Variants in TANGO6 observed in about 807,000 individuals in gnomAD.
TANGO6 encodes the protein transport and Golgi organization protein 6 homolog.
In TANGO6, 90 loss-of-function variants were observed where a neutral mutation model predicts 114.2. The observed-to-expected ratio is 0.79, with a 90% CI of 0.66 to 0.94. The LOEUF is 0.94. Among genes scored for constraint, TANGO6 ranks in the 40% least tolerant of loss-of-function variants. TANGO6 has a pLI of 0.00. For missense variants in TANGO6, 1,274 were observed against 1,315.3 expected, an observed-to-expected ratio of 0.97 and a Z score of 0.49; for synonymous variants, 477 against 509.8, an observed-to-expected ratio of 0.94 and a Z score of 0.87.
chr16:68,954,643 A>G (rs1273096721), intron 14 of TANGO6, among the ~76,000 whole-genome samples: 1 of 152,234 alleles, frequency 6.6e-6, no homozygotes, highest in Non-Finnish European at 1.5e-5. Flanking sequence ...TGGAGAATTC[A>G]GTCTCTCCTT....
intron 15 of TANGO6, among the ~76,000 whole-genome samples, chr16:68,985,029 TTTG>T (rs1181526628): frequency 6.6e-6 from 1 of 151,922 alleles, no homozygotes; most frequent in African/African-American, 2.4e-5. Context: ...TAAATATTTC[TTTG>T]TTGTTGTTAG....
At chr16:68,865,015 C>G (rs1366822405) in intron 3 of TANGO6, among the ~76,000 whole-genome samples, 1 of 151,282 alleles carries the variant, frequency 6.6e-6, no homozygotes, top group Non-Finnish European at 1.5e-5. Context: ...TGGTGGCTCA[C>G]CCCTGTAATC....
chr16:68,953,492 A>G (rs1963494733), intron 14 of TANGO6, among the ~76,000 whole-genome samples: 1 of 152,194 alleles, frequency 6.6e-6, no homozygotes, highest in Non-Finnish European at 1.5e-5. Flanking sequence ...GAGAAGAGCA[A>G]ATGATACAAA....
At position 68,980,383 on chromosome 16, in the gene TANGO6, T is replaced by TCTCTCTCTCTCTCTCTCTCTCTCTCTC. The variant is rs1555526453; in HGVS notation, c.2842+6215_2842+6216insCTCTCTCTCTCTCTCTCTCTCTCTCTC. 2.7e-4 allele frequency among the ~76,000 whole-genome samples: 10 copies of TCTCTCTCTCTCTCTCTCTCTCTCTCTC among 36,862 alleles called. 2 individuals carry two copies. The highest frequency in any genetic ancestry group is 8.5e-4 in the African/African-American group (8 of 9,418). The allele number at this position is 36,862 out of a possible 152,430, so 24.2% of individuals were successfully genotyped here. A position where few individuals can be genotyped will look rare whatever the true frequency, so the allele number is the denominator to read the frequency against. On this transcript the variant is annotated intron_variant, in intron 15 of 17. Transcript: ENST00000261778. ...TGAGTATGAATCTATCTGTCTGTCATTCTCTCTCTCTCTCTCTCTCTCTCT... is the reference window on the plus strand; with the variant it reads ...TGAGTATGAATCTATCTGTCTGTCATCTCTCTCTCTCTCTCTCTCTCTCTCTCTCTCTCTCTCTCTCTCTCTCTCTCT...
intron 14 of TANGO6, among the ~76,000 whole-genome samples, chr16:68,950,987 G>A (rs954051628): frequency 1.3e-5 from 2 of 152,068 alleles, no homozygotes; most frequent in African/African-American, 4.8e-5. Flanking sequence ...ATGAGTGTGA[G>A]GGGATTGAAG....
At chr16:68,869,729 C>CT (rs960738760) in intron 4 of TANGO6, among the ~76,000 whole-genome samples, 12 of 152,074 alleles carry the variant, frequency 7.9e-5, no homozygotes, top group African/African-American at 2.9e-4. Flanking sequence ...AACTTAGTGG[C>CT]TTTTTTTATG....
rs144799335 is a variant in TANGO6 at position 68,959,244 on chromosome 16, A to G, written c.2702-14784A>G. Among the ~76,000 whole-genome samples the G allele has an allele frequency of 9.4e-3, 1,429 of 152,322 alleles. 21 individuals are homozygous for G. The highest frequency in any genetic ancestry group is 0.033 in the African/African-American group (1,353 of 41,584). On this transcript the variant is annotated intron_variant, in intron 14 of 17. Coordinates refer to ENST00000261778, the MANE Select transcript of TANGO6 (RefSeq NM_024562.2). Reference sequence around the variant, plus strand: ...AAGCCACTGCTAGCCTGGAGCACCTATCACAAAGACTTGCCTAATCATGTC... The same window carrying G: ...AAGCCACTGCTAGCCTGGAGCACCTGTCACAAAGACTTGCCTAATCATGTC...
intron 17 of TANGO6, among the ~76,000 whole-genome samples, chr16:69,079,571 G>A (rs1370746951): frequency 1.2e-4 from 18 of 147,092 alleles, no homozygotes; most frequent in African/African-American, 4.6e-4. Context: ...ACAGATAATG[G>A]ACTTAAAAAA....
intron 17 of TANGO6, among the ~76,000 whole-genome samples, chr16:69,049,248 G>A (rs1165260700): frequency 8.2e-5 from 12 of 146,888 alleles, no homozygotes; most frequent in African/African-American, 2.0e-4. Context: ...CCTCTTCCCC[G>A]TTCTCCTCTC....
rs567884984 is a variant in TANGO6 at position 69,068,179 on chromosome 16, C to G, written c.3109-15306C>G. Among the ~76,000 whole-genome samples the G allele has an allele frequency of 1.1e-4, 16 of 151,956 alleles. 1 individual carries two copies. In the South Asian group the frequency reaches 3.3e-3, roughly 32 times the overall value. On this transcript the variant is annotated intron_variant, in intron 17 of 17. Transcript: ENST00000261778. ...ATTACCTGAGCATGGTGATGCACAC[C>G]TATAGTCCCAACTGCTTGGGAGCCT...
At chr16:69,061,883 G>A (rs377442312) in intron 17 of TANGO6, among the ~76,000 whole-genome samples, 3 of 152,206 alleles carry the variant, frequency 2.0e-5, no homozygotes, top group East Asian at 3.9e-4. Flanking sequence ...GCCGGGCATG[G>A]TGGTGGGCGC....
intron 14 of TANGO6, among the ~76,000 whole-genome samples, chr16:68,952,989 G>C (rs1033934051): frequency 5.3e-5 from 8 of 151,254 alleles, no homozygotes; most frequent in African/African-American, 1.9e-4. Context: ...TTGGCAATTA[G>C]GGTTTTCTTT....
intron 14 of TANGO6, among the ~76,000 whole-genome samples, chr16:68,968,363 CTTT>C (rs778462725): frequency 1.4e-5 from 2 of 139,406 alleles, no homozygotes; most frequent in African/African-American, 2.6e-5. Flanking sequence ...CGCACCTGGC[CTTT>C]TTTTTTTTTT....
intron 15 of TANGO6, among the ~76,000 whole-genome samples, chr16:69,013,696 A>G (rs1959233976): frequency 7.2e-6 from 1 of 138,208 alleles, no homozygotes. Flanking sequence ...TCACTCTGTC[A>G]CACAGGCCAG....
At chr16:68,867,280 G>A in intron 4 of TANGO6, 60 bp downstream of exon 4, 1 of 1,604,178 alleles carries the variant, frequency 6.2e-7, no homozygotes, top group Non-Finnish European at 8.5e-7. Context: ...CAGAGTCTGA[G>A]GTGAATTATT....
At chr16:68,947,010 A>C (rs1045605764) in intron 14 of TANGO6, among the ~76,000 whole-genome samples, 1 of 152,130 alleles carries the variant, frequency 6.6e-6, no homozygotes, top group African/African-American at 2.4e-5. Context: ...GGCCTACATG[A>C]GTTAAGTTCG....
intron 16 of TANGO6, among the ~76,000 whole-genome samples, chr16:69,028,506 G>C (rs1345305503): frequency 6.6e-6 from 1 of 152,000 alleles, no homozygotes; most frequent in Non-Finnish European, 1.5e-5. Flanking sequence ...GGTGGCACAT[G>C]CCTGTAATCC....
chr16:68,912,638 TCAAAAAA>T (rs1289695895), intron 11 of TANGO6, among the ~76,000 whole-genome samples: 1 of 151,056 alleles, frequency 6.6e-6, no homozygotes, highest in Non-Finnish European at 1.5e-5. Context: ...AAACTCCGTC[TCAAAAAA>T]CAAAAAACAT....
chr16:68,869,267 T>G (rs1962228797), intron 4 of TANGO6, among the ~76,000 whole-genome samples: 1 of 152,184 alleles, frequency 6.6e-6, no homozygotes, highest in South Asian at 2.1e-4. Context: ...GTGGATAGTT[T>G]GAGCTCAGGA....
Sources: allele counts gnomAD v4.1 joint callset (sites outside exome capture counted in the v4.1 genomes callset), GRCh38; gene constraint gnomAD v4.1.1; transcripts MANE v1.5; gene names NCBI Gene and HGNC (gene_info 2026-07-23, HGNC 2026-07-21).